Variants in KIAA0825 observed in about 807,000 individuals in gnomAD.
KIAA0825 encodes the protein uncharacterized protein KIAA0825.
Under a neutral mutation model 147.6 loss-of-function variants are expected in KIAA0825, and 119 were observed. The observed-to-expected ratio is 0.81, with a 90% CI of 0.69 to 0.94. KIAA0825 has a LOEUF of 0.94. Among genes scored for constraint, KIAA0825 ranks in the 40% least tolerant of loss-of-function variants. The pLI is 0.00. For missense variants in KIAA0825, 1,381 were observed against 1,472.7 expected, an observed-to-expected ratio of 0.94 and a Z score of 1.02; for synonymous variants, 470 against 518.1, an observed-to-expected ratio of 0.91 and a Z score of 1.26.
chr5:94,545,422 A>G (rs1213658333), intron 2 of KIAA0825, among the ~76,000 whole-genome samples: 1 of 152,168 alleles, frequency 6.6e-6, no homozygotes, highest in Non-Finnish European at 1.5e-5. Flanking sequence ...AACCCCAGGC[A>G]GCACAGCTCA....
intron 20 of KIAA0825, among the ~76,000 whole-genome samples, chr5:94,322,983 C>A (rs567053206): frequency 6.6e-6 from 1 of 151,312 alleles, no homozygotes; most frequent in Non-Finnish European, 1.5e-5. Context: ...AAATGGCTTA[C>A]GTGAATGTGC....
chr5:94,351,219 C>T (rs1783630140), intron 20 of KIAA0825, among the ~76,000 whole-genome samples: 2 of 152,116 alleles, frequency 1.3e-5, no homozygotes, highest in Admixed American at 1.3e-4. Context: ...AAGAGTTCAG[C>T]AAAGTTTCTG....
chr5:94,569,280 AC>A (rs1343765022), intron 2 of KIAA0825: 1 of 280,802 alleles, frequency 3.6e-6, no homozygotes, highest in Middle Eastern at 1.1e-3. Flanking sequence ...CAACCATTAT[AC>A]CCCCTAAATA....
intron 20 of KIAA0825, among the ~76,000 whole-genome samples, chr5:94,277,899 G>A (rs1413632820): frequency 6.6e-6 from 1 of 152,166 alleles, no homozygotes; most frequent in Non-Finnish European, 1.5e-5. Context: ...TTAAGAAAAT[G>A]TGGCACATAT....
chr5:94,565,493 C>T (rs1391991850), intron 2 of KIAA0825, among the ~76,000 whole-genome samples: 1 of 151,826 alleles, frequency 6.6e-6, no homozygotes, highest in Non-Finnish European at 1.5e-5. Flanking sequence ...AGGCGCCCAC[C>T]ACCATATCTG....
At chr5:94,198,838 C>A (rs1402938011) in intron 20 of KIAA0825, among the ~76,000 whole-genome samples, 1 of 152,230 alleles carries the variant, frequency 6.6e-6, no homozygotes, top group Non-Finnish European at 1.5e-5. Flanking sequence ...TTGGTCTATT[C>A]TGCTATCAAC....
chr5:94,267,950 C>T (rs925611933), intron 20 of KIAA0825, among the ~76,000 whole-genome samples: 2 of 152,130 alleles, frequency 1.3e-5, no homozygotes, highest in East Asian at 1.9e-4. Flanking sequence ...CCCACACAGA[C>T]GTGGGATATA....
At chr5:94,397,077 G>C (rs1441728976) in intron 16 of KIAA0825, among the ~76,000 whole-genome samples, 1 of 151,824 alleles carries the variant, frequency 6.6e-6, no homozygotes, top group African/African-American at 2.4e-5. Context: ...CCATTTTGTT[G>C]CCTTTATTAT....
At chr5:94,349,119 A>T (rs903413923) in intron 20 of KIAA0825, among the ~76,000 whole-genome samples, 2 of 152,188 alleles carry the variant, frequency 1.3e-5, no homozygotes, top group Non-Finnish European at 2.9e-5. Context: ...ATGCAAATGG[A>T]CACCAAAAGC....
chr5:94,547,336 A>G (rs1422443319), intron 2 of KIAA0825, among the ~76,000 whole-genome samples: 2 of 152,178 alleles, frequency 1.3e-5, no homozygotes, highest in Admixed American at 6.6e-5. Flanking sequence ...TTAGAGAGGT[A>G]TATCAACATT....
chr5:94,394,433 T>C (rs971088742), intron 17 of KIAA0825, among the ~76,000 whole-genome samples: 13 of 152,210 alleles, frequency 8.5e-5, no homozygotes, highest in Non-Finnish European at 1.8e-4. Flanking sequence ...ATAAATACTC[T>C]TTTGGCTCAT....
At chr5:94,218,112 G>T (rs1243989531) in intron 20 of KIAA0825, among the ~76,000 whole-genome samples, 3 of 152,096 alleles carry the variant, frequency 2.0e-5, no homozygotes, top group African/African-American at 7.2e-5. Flanking sequence ...AAGGGTGTGG[G>T]CTTACCATGA....
intron 1 of KIAA0825, among the ~76,000 whole-genome samples, chr5:94,598,934 G>A (rs1368764300): frequency 1.3e-5 from 2 of 152,082 alleles, no homozygotes; most frequent in African/African-American, 2.4e-5. Context: ...CAATAAACAT[G>A]GGGGTGAAGG....
In KIAA0825 at chr5:94,417,312, C is replaced by T. The variant is rs29910; in HGVS notation, c.2551G>A (p.Ala851Thr). Reference sequence around the variant, plus strand: ...CAATGGTACAATATTTTAAAGATGGCTTCCATCAAGCTGGGTCCTTGGTTC... The same window carrying T: ...CAATGGTACAATATTTTAAAGATGGTTTCCATCAAGCTGGGTCCTTGGTTC... Reference protein sequence around the residue: ...NLNQGPSLMEAIFKILYHCSF... With the variant: ...NLNQGPSLMETIFKILYHCSF... The change falls in exon 15 of 21, where the codon GCC (alanine) becomes ACC (threonine). Residue 851 changes from alanine (A) to threonine (T), a missense_variant. Coordinates refer to ENST00000682413, the MANE Select transcript of KIAA0825 (RefSeq NM_001145678.3). 426,355 of 1,549,286 alleles carry T rather than the reference C, an allele frequency of 0.28. 61,666 individuals are homozygous for T. The highest frequency in any genetic ancestry group is 0.31 in the Middle Eastern group (1,824 of 5,974).
At chr5:94,577,109 C>T (rs1296239048) in intron 2 of KIAA0825, among the ~76,000 whole-genome samples, 1 of 151,944 alleles carries the variant, frequency 6.6e-6, no homozygotes, top group Admixed American at 6.6e-5. Flanking sequence ...TTTAATACTG[C>T]CTATAGCTTC....
rs1276373414 is a variant in KIAA0825, at chr5:94,314,257, C to T, written c.3710+70111G>A. The stretch of plus-strand genomic sequence containing the variant: ...ATGTGCAGAAGCAATATATCTCTCT[C>T]CTAACACTAATGAACCCAGACTACC... On this transcript the variant is annotated intron_variant, in intron 20 of 20. Transcript: ENST00000682413. 2.0e-5 allele frequency among the ~76,000 whole-genome samples: 3 copies of T among 151,652 alleles called. No homozygotes were observed. In the East Asian group the frequency reaches 5.8e-4, roughly 29 times the overall value.
intron 20 of KIAA0825, among the ~76,000 whole-genome samples, chr5:94,331,614 A>G (rs1303322258): frequency 2.0e-5 from 3 of 152,232 alleles, no homozygotes; most frequent in African/African-American, 7.2e-5. Flanking sequence ...TAAGAAAGCT[A>G]CATGCAGGTA....
At chr5:94,372,581 C>G (rs1235685364) in intron 20 of KIAA0825, among the ~76,000 whole-genome samples, 1 of 152,226 alleles carries the variant, frequency 6.6e-6, no homozygotes, top group Non-Finnish European at 1.5e-5. Context: ...GCTGAAGCAG[C>G]TGGGATGCAG....
chr5:94,484,799 A>G lies in KIAA0825; in HGVS notation c.1102T>C (p.Leu368=). Residue 368 remains leucine, a synonymous_variant, in exon 6 of 21, where the codon TTA becomes CTA. Coordinates refer to ENST00000682413, the MANE Select transcript of KIAA0825 (RefSeq NM_001145678.3). ...GTATCCCTGGTTATCTTGAGTGATA[A>G]AAGTATTTCGTCAAACAATTCTTGA... The part of the protein sequence containing the change: ...GVQELFDEIL[L]SLKITRDTSG... 1 of 1,506,814 alleles carries G rather than the reference A, an allele frequency of 6.6e-7. No individual in the cohort carries two copies. 93.3% of individuals were successfully genotyped at this position (1,506,814 alleles called of 1,614,324 possible).
Sources: gnomAD v4.1 joint callset for allele counts (sites outside exome capture counted in the v4.1 genomes callset) on GRCh38, gnomAD v4.1.1 for gene constraint, MANE v1.5 for transcripts, NCBI Gene and HGNC (gene_info 2026-07-23, HGNC 2026-07-21) for gene names.